Variants in NSMCE1 observed in about 807,000 individuals in gnomAD.
NSMCE1 encodes NSE1 component of SMC5/6 complex, also known as non-structural maintenance of chromosomes element 1 homolog.
In NSMCE1, 18 loss-of-function variants were observed where a neutral mutation model predicts 29.6. The observed-to-expected ratio is 0.61, with a 90% CI of 0.42 to 0.90. NSMCE1 has a LOEUF of 0.90. Ranked by LOEUF, NSMCE1 falls within the 40% of genes least tolerant of loss-of-function variation. The probability of loss-of-function intolerance (pLI) is 0.00; values close to 1 mark genes in which losing one functional copy is unlikely to be tolerated. For missense variants in NSMCE1, 314 were observed against 343.6 expected (o/e 0.91, Z 0.68); for synonymous variants, 124 against 133.4 (o/e 0.93, Z 0.49).
intron 5 of NSMCE1, among the ~76,000 whole-genome samples, chr16:27,231,993 C>T (rs573004930): frequency 6.6e-6 from 1 of 152,330 alleles, no homozygotes; most frequent in Admixed American, 6.5e-5. Context: ...GACCTCTCCA[C>T]CCTGTCTTCC....
rs563871493 is a variant in NSMCE1 at position 27,226,732 on chromosome 16, G to A, written c.588C>T (p.Ser196=). 3.1e-6 allele frequency: 5 copies of A among 1,609,674 alleles called. No individual in the cohort carries two copies. The highest frequency in any genetic ancestry group is 1.1e-5 in the South Asian group (1 of 91,002). The change falls in exon 6 of 8, where the codon AGC becomes AGT. Residue 196 remains serine, a synonymous_variant. Coordinates refer to ENST00000361439, the MANE Select transcript of NSMCE1 (RefSeq NM_145080.4). ...GCCCTGCGGGTACCTGGATGAGGAG[G>A]CTGTGACAGATATTGCAGATCTTCA... is the stretch of plus-strand genomic sequence containing the variant. ...DAVKICNICH[S]LLIQGQSCET...
At position 27,225,741 on chromosome 16, in the gene NSMCE1, G is replaced by A. The variant is rs2140982937; in HGVS notation, c.706C>T (p.Pro236Ser). The A allele has an allele frequency of 2.5e-6, 4 of 1,614,168 alleles. No individual in the cohort carries two copies. The Middle Eastern group carries it at 5.0e-4, about 200-fold the overall frequency. ...PRCPHCNDYWPHEIPKVFDPE... is the reference protein window; with the variant it reads ...PRCPHCNDYWSHEIPKVFDPE... ...GCCCACGCACTTGGGATCTCGTGGG[G>A]CCAGTAGTCGTTGCAGTGGGGGCAG... The change falls in exon 7 of 8, where the codon CCC becomes TCC. Residue 236 changes from proline to serine, a missense_variant. Physicochemically the swap from Pro to Ser is moderately conservative, Grantham distance 74 (BLOSUM62 -1). Transcript: ENST00000361439.
rs149727810 is a variant in NSMCE1, at chr16:27,259,924, G to A, written c.-11-2343C>T. On this transcript the variant is annotated intron_variant, in intron 1 of 7. Coordinates refer to ENST00000361439, the MANE Select transcript of NSMCE1 (RefSeq NM_145080.4). Reference sequence around the variant, plus strand: ...GTGTCTCAACAGAGAATTCTATAACGAGCTGAAGACTGAGGATAAGACAAA... The same window carrying A: ...GTGTCTCAACAGAGAATTCTATAACAAGCTGAAGACTGAGGATAAGACAAA... Among the ~76,000 whole-genome samples, 68 of 152,218 alleles carry A rather than the reference G, an allele frequency of 4.5e-4. 2 individuals carry two copies. In the East Asian group the frequency reaches 0.011, roughly 25 times the overall value.
chr16:27,241,653 G>A (rs940093531), intron 2 of NSMCE1: 3 of 209,442 alleles, frequency 1.4e-5, no homozygotes, highest in Non-Finnish European at 3.1e-5. Flanking sequence ...ACTGCCATGG[G>A]CACTTCCAAG....
chr16:27,257,886 C>A (rs1470484616), intron 1 of NSMCE1, among the ~76,000 whole-genome samples: 2 of 152,056 alleles, frequency 1.3e-5, no homozygotes, highest in African/African-American at 4.8e-5. Context: ...TAAAGTGGGA[C>A]TAATGATAGA....
At chr16:27,259,467 T>C (rs930683586) in intron 1 of NSMCE1, among the ~76,000 whole-genome samples, 1 of 152,194 alleles carries the variant, frequency 6.6e-6, no homozygotes, top group Admixed American at 6.5e-5. Flanking sequence ...TGGACTTCTA[T>C]CCTGCAAATG....
intron 4 of NSMCE1, 115 bp from the exon 5 acceptor site, chr16:27,233,262 T>C (rs980329009): frequency 2.5e-6 from 2 of 785,106 alleles, no homozygotes; most frequent in Non-Finnish European, 4.1e-6. Context: ...CAGGCAGAAC[T>C]GTACACTGGC....
At chr16:27,231,226 C>G (rs2083758915) in intron 5 of NSMCE1, among the ~76,000 whole-genome samples, 1 of 152,248 alleles carries the variant, frequency 6.6e-6, no homozygotes, top group Admixed American at 6.5e-5. Context: ...CCTCTGCAAC[C>G]TCATCCACCT....
intron 2 of NSMCE1, among the ~76,000 whole-genome samples, chr16:27,250,680 C>G (rs2084017221): frequency 6.6e-6 from 1 of 151,614 alleles, no homozygotes; most frequent in South Asian, 2.1e-4. Context: ...GTAATCCCAG[C>G]TACTCGGGAG....
At chr16:27,262,149 C>T (rs2084165063) in intron 1 of NSMCE1, among the ~76,000 whole-genome samples, 1 of 151,204 alleles carries the variant, frequency 6.6e-6, no homozygotes, top group South Asian at 2.1e-4. Context: ...GAAGCTGAGG[C>T]AGGAGAATCG....
At position 27,226,742 on chromosome 16, in the gene NSMCE1, A is replaced by T; in HGVS notation, c.578T>A (p.Ile193Asn). ...TYPDAVKICNICHSLLIQGQS... is the reference protein window; with the variant it reads ...TYPDAVKICNNCHSLLIQGQS... ...TACCTGGATGAGGAGGCTGTGACAG[A>T]TATTGCAGATCTTCACCGCGTCGGG... The change falls in exon 6 of 8, where the codon ATC becomes AAC. Residue 193 changes from isoleucine to asparagine, a missense_variant. By Grantham distance (149) the Ile-to-Asn change is moderately radical. Coordinates refer to ENST00000361439, the MANE Select transcript of NSMCE1 (RefSeq NM_145080.4). 1.9e-6 allele frequency: 3 copies of T among 1,612,638 alleles called. No homozygotes were observed. The highest frequency in any genetic ancestry group is 1.7e-6 in the Non-Finnish European group (2 of 1,178,674).
intron 1 of NSMCE1, among the ~76,000 whole-genome samples, chr16:27,258,741 T>C (rs2084117009): frequency 6.6e-6 from 1 of 151,964 alleles, no homozygotes; most frequent in South Asian, 2.1e-4. Flanking sequence ...TTACTGCTCT[T>C]TTGTTCTTTT....
chr16:27,257,278 A>G, intron 2 of NSMCE1, 157 bp downstream of exon 2: 1 of 542,554 alleles, frequency 1.8e-6, no homozygotes, highest in South Asian at 4.5e-5. Context: ...AAAGTGGAAG[A>G]TGAAATTAGA....
At chr16:27,265,575 T>C (rs564719341) in intron 1 of NSMCE1, among the ~76,000 whole-genome samples, 1 of 152,168 alleles carries the variant, frequency 6.6e-6, no homozygotes, top group Non-Finnish European at 1.5e-5. Flanking sequence ...ACTTCCACAT[T>C]TGCCCTAGGA....
At chr16:27,243,508 C>G (rs1345385442) in intron 2 of NSMCE1, among the ~76,000 whole-genome samples, 3 of 152,160 alleles carry the variant, frequency 2.0e-5, no homozygotes, top group Non-Finnish European at 2.9e-5. Flanking sequence ...TCAACCTGCC[C>G]AGAAAGCCAG....
chr16:27,255,421 T>C (rs566881309), intron 2 of NSMCE1, among the ~76,000 whole-genome samples: 10 of 152,314 alleles, frequency 6.6e-5, no homozygotes, highest in African/African-American at 1.9e-4. Context: ...GGGTTCTTCA[T>C]GATCTGCAAA....
In NSMCE1 at chr16:27,225,147, G is replaced by A; in HGVS notation, c.*10C>T. ...CTCAAGGCAGCCAGCCCCTCAGCAG[G>A]GCACGATGGCTAATGCTGCCTGGAC... On this transcript the variant is annotated 3_prime_UTR_variant, in exon 8 of 8. Transcript: ENST00000361439. The A allele has an allele frequency of 1.3e-6, 2 of 1,563,580 alleles. No homozygotes were observed. Among genetic ancestry groups the A allele is most frequent in the Non-Finnish European group, 1.8e-6 (2 of 1,141,038 alleles).
chr16:27,261,481 T>C (rs1021660332), intron 1 of NSMCE1, among the ~76,000 whole-genome samples: 1 of 152,150 alleles, frequency 6.6e-6, no homozygotes, highest in African/African-American at 2.4e-5. Context: ...AATTTAACTA[T>C]GTAAAAAGTC....
chr16:27,225,903 AC>A, intron 6 of NSMCE1, 57 bp from the exon 7 acceptor site: 1 of 1,601,214 alleles, frequency 6.2e-7, no homozygotes, highest in Non-Finnish European at 8.5e-7. Flanking sequence ...TGTTCTGCAA[AC>A]CTCCGGGGAA....
Sources: allele counts gnomAD v4.1 joint callset (sites outside exome capture counted in the v4.1 genomes callset), GRCh38; gene constraint gnomAD v4.1.1; transcripts MANE v1.5; gene names NCBI Gene and HGNC (gene_info 2026-07-23, HGNC 2026-07-21).